PCNX2: variants seen among roughly 807,000 people sequenced by gnomAD.
The protein encoded by PCNX2 is pecanex-like protein 2.
PCNX2 carries 168 observed loss-of-function variants against 223.8 expected under a neutral mutation model. That is an observed-to-expected ratio of 0.75 (90% CI 0.66 to 0.85). The LOEUF (loss-of-function observed/expected upper bound fraction) is 0.85. PCNX2 is among the 40% of genes least tolerant of loss of function. The probability of loss-of-function intolerance (pLI) is 0.00; values close to 1 mark genes in which losing one functional copy is unlikely to be tolerated. For synonymous variants in PCNX2, 1,006 were observed against 1,052.6 expected (o/e 0.96, Z 0.86); for missense variants, 2,507 against 2,675.5 (o/e 0.94, Z 1.39).
intron 15 of PCNX2, among the ~76,000 whole-genome samples, chr1:233,196,279 A>C (rs1680724710): frequency 6.6e-6 from 1 of 152,130 alleles, no homozygotes; most frequent in Admixed American, 6.5e-5. Context: ...TAAAACTTGT[A>C]GTACAAAAAT....
the PCNX2 span, among the ~76,000 whole-genome samples, chr1:233,308,591 A>T: frequency 6.6e-6 from 1 of 152,222 alleles, no homozygotes; most frequent in Non-Finnish European, 1.5e-5. Context: ...TATAAGAGTA[A>T]ATCTTAAGAA....
intron 16 of PCNX2, among the ~76,000 whole-genome samples, chr1:233,178,201 TAGC>T (rs1208393618): frequency 3.3e-5 from 5 of 152,166 alleles, no homozygotes; most frequent in African/African-American, 9.7e-5. Flanking sequence ...TCTTCACAAT[TAGC>T]AGCAAAAAGT....
intron 22 of PCNX2, among the ~76,000 whole-genome samples, chr1:233,094,795 G>A (rs966692009): frequency 2.6e-5 from 4 of 152,164 alleles, no homozygotes; most frequent in African/African-American, 9.7e-5. Flanking sequence ...GTTGAGAACT[G>A]TGGTTTACAC....
At position 233,229,086 on chromosome 1, in the gene PCNX2, T is replaced by C. The variant is rs61495559; in HGVS notation, c.2359-1715A>G. 7.2e-3 allele frequency among the ~76,000 whole-genome samples: 1,098 copies of C among 152,286 alleles called. 8 individuals carry two copies. The highest frequency in any genetic ancestry group is 0.025 in the African/African-American group (1,044 of 41,552). ...ATACATGGGCAGACAGCACAACTTT[T>C]TTCCTAACTTAGGAGAAGTCACTGA... On this transcript the variant is annotated intron_variant, in intron 9 of 33. Transcript: ENST00000258229.
chr1:233,307,807 G>C, the PCNX2 span, among the ~76,000 whole-genome samples: 1 of 152,216 alleles, frequency 6.6e-6, no homozygotes, highest in African/African-American at 2.4e-5. Flanking sequence ...TGTGCTAAGG[G>C]ATTGTGGCCA....
intron 15 of PCNX2, among the ~76,000 whole-genome samples, chr1:233,188,762 C>G (rs1384504111): frequency 6.6e-6 from 1 of 152,154 alleles, no homozygotes; most frequent in East Asian, 1.9e-4. Flanking sequence ...ACCTCATGAT[C>G]CACCCTCCTC....
chr1:233,216,731 A>G (rs1656944034), intron 12 of PCNX2, among the ~76,000 whole-genome samples: 2 of 152,208 alleles, frequency 1.3e-5, no homozygotes, highest in South Asian at 2.1e-4. Context: ...AATAAAATCA[A>G]TATGTCCAAA....
intron 1 of PCNX2, among the ~76,000 whole-genome samples, chr1:233,267,629 T>A (rs1660410553): frequency 6.6e-6 from 1 of 152,126 alleles, no homozygotes; most frequent in Non-Finnish European, 1.5e-5. Flanking sequence ...CATGACCTTT[T>A]GTGACTGTCT....
intron 23 of PCNX2, among the ~76,000 whole-genome samples, chr1:233,076,749 A>C (rs903277155): frequency 1.3e-5 from 2 of 152,248 alleles, no homozygotes; most frequent in Non-Finnish European, 2.9e-5. Flanking sequence ...CACCTTGACT[A>C]AACTTATAAA....
intron 15 of PCNX2, among the ~76,000 whole-genome samples, chr1:233,186,343 C>G (rs899206592): frequency 6.6e-6 from 1 of 152,146 alleles, no homozygotes; most frequent in South Asian, 2.1e-4. Context: ...TGAATCCCAT[C>G]TTTAAGTAAA....
chr1:233,291,434 A>AC (rs1452447287), intron 1 of PCNX2, among the ~76,000 whole-genome samples: 1 of 151,918 alleles, frequency 6.6e-6, no homozygotes, highest in Admixed American at 6.6e-5. Flanking sequence ...ACATGGAGAA[A>AC]CCCCACCTCT....
chr1:233,009,622 A>T (rs1269296339), intron 28 of PCNX2, among the ~76,000 whole-genome samples: 1 of 152,234 alleles, frequency 6.6e-6, no homozygotes, highest in Non-Finnish European at 1.5e-5. Context: ...GCCCGGCCTG[A>T]TGACCAGGGT....
chr1:233,022,207 G>A (rs1670913589), intron 26 of PCNX2, among the ~76,000 whole-genome samples: 1 of 152,158 alleles, frequency 6.6e-6, no homozygotes, highest in South Asian at 2.1e-4. Context: ...GACTGAATTA[G>A]GATCTCTTCT....
the PCNX2 span, among the ~76,000 whole-genome samples, chr1:233,324,124 C>T: frequency 6.6e-6 from 1 of 152,244 alleles, no homozygotes; most frequent in African/African-American, 2.4e-5. Flanking sequence ...AAGGCCTTAA[C>T]TCTCTTCAAT....
At chr1:233,311,729 A>G in the PCNX2 span, among the ~76,000 whole-genome samples, 1 of 152,264 alleles carries the variant, frequency 6.6e-6, no homozygotes, top group African/African-American at 2.4e-5. Flanking sequence ...ATTGAAATCA[A>G]GAATTAAGAA....
chr1:233,052,175 G>GA (rs939187399), intron 25 of PCNX2, among the ~76,000 whole-genome samples: 4 of 151,794 alleles, frequency 2.6e-5, no homozygotes, highest in East Asian at 1.9e-4. Context: ...TACCACTCTA[G>GA]AAAAAAAATA....
At chr1:233,233,327 T>C (rs1658181081) in intron 9 of PCNX2, among the ~76,000 whole-genome samples, 1 of 152,092 alleles carries the variant, frequency 6.6e-6, no homozygotes. Context: ...ACAACAGGTT[T>C]TCACCAATTC....
intron 17 of PCNX2, among the ~76,000 whole-genome samples, chr1:233,161,589 G>A (rs986105195): frequency 6.6e-6 from 1 of 152,086 alleles, no homozygotes; most frequent in Non-Finnish European, 1.5e-5. Flanking sequence ...TGGGGGAGAG[G>A]AATCACACAC....
At position 233,032,252 on chromosome 1, in the gene PCNX2, G is replaced by A. The variant is rs565015841; in HGVS notation, c.4352-6853C>T. Among the ~76,000 whole-genome samples the A allele has an allele frequency of 7.9e-5, 12 of 152,074 alleles. 1 individual carries two copies. In the South Asian group the frequency reaches 1.2e-3, roughly 16 times the overall value. On this transcript the variant is annotated intron_variant, in intron 25 of 33. Transcript: ENST00000258229. ...CAAGTAGCTGGGATTGCAGGCACGC[G>A]CCACCACACCTGGCTAATTTTGTAT...
Sources: gnomAD v4.1 joint callset for allele counts (sites outside exome capture counted in the v4.1 genomes callset) on GRCh38, gnomAD v4.1.1 for gene constraint, MANE v1.5 for transcripts, NCBI Gene and HGNC (gene_info 2026-07-23, HGNC 2026-07-21) for gene names.